Variants in SOX4 observed in about 807,000 individuals in gnomAD.
SOX4 encodes the protein transcription factor SOX-4.
For missense variants in SOX4, 662 were observed against 694.9 expected (o/e 0.95, Z 0.53); for synonymous variants, 465 against 348.4 (o/e 1.33, Z -3.73).
rs1202796991 is a variant in SOX4, at chr6:21,595,159, G to C, written c.625G>C (p.Gly209Arg). 1 of 1,337,836 alleles carries C rather than the reference G, an allele frequency of 7.5e-7. No homozygotes were observed. The highest frequency in any genetic ancestry group is 1.5e-5 in the African/African-American group (1 of 64,662). The allele number at this position is 1,337,836 out of a possible 1,614,324, so 82.9% of individuals were successfully genotyped here. ...CTCCAAAGTGGCGGGCGGCGCGGGC[G>C]GTGGGGTTAGCAAACCGCACGCCAA... The part of the protein sequence containing the change: ...CGSKVAGGAG[G>R]GVSKPHAKLI... Residue 209 changes from glycine to arginine, a missense_variant, in exon 1 of 1, where the codon GGT becomes CGT. Gly to Arg is a moderately radical substitution (Grantham distance 125). Transcript: ENST00000244745.
Position 21,595,492 on chromosome 6 carries a change from G to T in SOX4, c.958G>T (p.Asp320Tyr), listed in dbSNP as rs771884780. ...GGVGAGADPSDPLGLYEEEGA... is the reference protein window; with the variant it reads ...GGVGAGADPSYPLGLYEEEGA... ...CGTGGGCGCGGGAGCCGACCCCAGCGACCCCCTGGGCCTGTACGAGGAGGA... is the reference window on the plus strand; with the variant it reads ...CGTGGGCGCGGGAGCCGACCCCAGCTACCCCCTGGGCCTGTACGAGGAGGA... Residue 320 changes from aspartate (D) to tyrosine (Y), a missense_variant, in exon 1 of 1, where the codon GAC (aspartate) becomes TAC (tyrosine). Transcript: ENST00000244745. The T allele has an allele frequency of 2.8e-6, 4 of 1,416,558 alleles. No homozygotes were observed. The East Asian group carries it at 1.2e-4, about 41-fold the overall frequency. The allele number at this position is 1,416,558 out of a possible 1,614,324, so 87.7% of individuals were successfully genotyped here. A position where few individuals can be genotyped will look rare whatever the true frequency, so the allele number is the denominator to read the frequency against.
rs1192526094 is a variant in SOX4 at position 21,596,920 on chromosome 6, G to A, written c.*961G>A. 2 of 163,736 alleles carry A rather than the reference G, an allele frequency of 1.2e-5. No individual in the cohort carries two copies. Among genetic ancestry groups the A allele is most frequent in the Non-Finnish European group, 3.0e-5 (2 of 67,698 alleles). The allele number at this position is 163,736 out of a possible 1,614,324, so 10.1% of individuals were successfully genotyped here. ...AGGCGTGGAGGAGAGGAGACTGTTTGATGTGGTACAGGGGCAGTCAGTGGA... is the reference window on the plus strand; with the variant it reads ...AGGCGTGGAGGAGAGGAGACTGTTTAATGTGGTACAGGGGCAGTCAGTGGA... On this transcript the variant is annotated 3_prime_UTR_variant, in exon 1 of 1. Coordinates refer to ENST00000244745, the MANE Select transcript of SOX4 (RefSeq NM_003107.3).
At position 21,595,781 on chromosome 6, in the gene SOX4, G is replaced by C. The variant is rs761236649; in HGVS notation, c.1247G>C (p.Ser416Thr). 13 of 1,613,468 alleles carry C rather than the reference G, an allele frequency of 8.1e-6. No homozygotes were observed. The South Asian group carries it at 1.4e-4, about 18-fold the overall frequency. ...CTGAACCCCAGCTCAAACTTTGAGA[G>C]CATGTCCCTGGGCAGCTTCAGTTCG... is the stretch of plus-strand genomic sequence containing the variant. ...LDLNPSSNFE[S>T]MSLGSFSSSS... is the part of the protein sequence containing the mutation. Residue 416 changes from serine (S) to threonine (T), a missense_variant, in exon 1 of 1, where the codon AGC (serine) becomes ACC (threonine). Physicochemically the swap from Ser to Thr is moderately conservative, Grantham distance 58. Coordinates refer to ENST00000244745, the MANE Select transcript of SOX4 (RefSeq NM_003107.3).
Position 21,596,028 on chromosome 6 carries a change from C to A in SOX4, c.*69C>A. ...AGAAAAAAAAAGTGAAAAAAAGAAA[C>A]GAAAAGGACAGACGAAGAGTTTAAA... On this transcript the variant is annotated 3_prime_UTR_variant, in exon 1 of 1. Transcript: ENST00000244745. 5.6e-6 allele frequency: 8 copies of A among 1,431,568 alleles called. No homozygotes were observed. The highest frequency in any genetic ancestry group is 6.4e-6 in the Non-Finnish European group (7 of 1,091,676). The allele number at this position is 1,431,568 out of a possible 1,614,324, so 88.7% of individuals were successfully genotyped here.
Position 21,595,704 on chromosome 6 carries a change from C to G in SOX4, c.1170C>G (p.Ser390=), listed in dbSNP as rs752334754. 1.9e-6 allele frequency: 3 copies of G among 1,601,200 alleles called. No individual in the cohort carries two copies. Among genetic ancestry groups the G allele is most frequent in the African/African-American group, 1.3e-5 (1 of 74,624 alleles). The change falls in exon 1 of 1, where the codon TCC becomes TCG. Residue 390 remains serine (S), a synonymous_variant. Transcript: ENST00000244745. ...CCTCGTCCCACTCCTCCTCTTCCTC[C>G]TCCTCGGGCTCCTCGTCCTCCGACG... ...SSASSHSSSS[S]SSGSSSSDDE... is the part of the protein sequence containing the mutation.
In SOX4 at chr6:21,595,838, A is replaced by G; in HGVS notation, c.1304A>G (p.Asn435Ser). ...GCGCTCGACCGGGACCTGGATTTTA[A>G]CTTCGAGCCCGGCTCCGGCTCGCAC... ...SSALDRDLDF[N>S]FEPGSGSHFE... Residue 435 changes from asparagine (N) to serine (S), a missense_variant, in exon 1 of 1, where the codon AAC becomes AGC. By Grantham distance (46) the Asn-to-Ser change is conservative (BLOSUM62 1). Coordinates refer to ENST00000244745, the MANE Select transcript of SOX4 (RefSeq NM_003107.3). 1 of 1,612,596 alleles carries G rather than the reference A, an allele frequency of 6.2e-7. No individual in the cohort carries two copies. Among genetic ancestry groups the G allele is most frequent in the Non-Finnish European group, 8.5e-7 (1 of 1,179,686 alleles).
At position 21,595,929 on chromosome 6, in the gene SOX4, C is replaced by T; in HGVS notation, c.1395C>T (p.Ser465=). 6.3e-7 allele frequency: 1 copy of T among 1,576,324 alleles called. No individual in the cohort carries two copies. ...TGATCTCGGGAGACTGGCTCGAGTCCAGCATCTCCAACCTGGTTTTCACCT... is the reference window on the plus strand; with the variant it reads ...TGATCTCGGGAGACTGGCTCGAGTCTAGCATCTCCAACCTGGTTTTCACCT... ...SEMISGDWLE[S]SISNLVFTY is the part of the protein sequence containing the mutation. Residue 465 remains serine, a synonymous_variant, in exon 1 of 1, where the codon TCC becomes TCT. Transcript: ENST00000244745.
Position 21,594,388 on chromosome 6 carries a change from C to T in SOX4, c.-147C>T. The T allele has an allele frequency of 9.6e-7, 1 of 1,041,032 alleles. No individual in the cohort carries two copies. Among genetic ancestry groups the T allele is most frequent in the East Asian group, 3.3e-5 (1 of 30,058 alleles). 64.5% of individuals were successfully genotyped at this position (1,041,032 alleles called of 1,614,324 possible). A position where few individuals can be genotyped will look rare whatever the true frequency, so the allele number is the denominator to read the frequency against. The stretch of plus-strand genomic sequence containing the variant: ...TTTCTCTCTTTACCCACCTCCGCCC[C>T]TGCGAGGAGTTGAGGGGCCAGTTCG... On this transcript the variant is annotated 5_prime_UTR_variant, in exon 1 of 1. Transcript: ENST00000244745.
Position 21,594,375 on chromosome 6 carries a change from C to T in SOX4, c.-160C>T, listed in dbSNP as rs1299018448. 4.6e-6 allele frequency: 4 copies of T among 877,646 alleles called. No individual in the cohort carries two copies. Among genetic ancestry groups the T allele is most frequent in the African/African-American group, 1.8e-5 (1 of 56,550 alleles). 54.4% of individuals were successfully genotyped at this position (877,646 alleles called of 1,614,324 possible). ...TCTTTTGGGGACTTTTCTCTCTTTA[C>T]CCACCTCCGCCCCTGCGAGGAGTTG... On this transcript the variant is annotated 5_prime_UTR_variant, in exon 1 of 1. Coordinates refer to ENST00000244745, the MANE Select transcript of SOX4 (RefSeq NM_003107.3).
chr6:21,596,060 AG>A lies in SOX4; in HGVS notation c.*104del. On this transcript the variant is annotated 3_prime_UTR_variant, in exon 1 of 1. Transcript: ENST00000244745. ...GACAGACGAAGAGTTTAAAGAGAAA[AG>A]GGAAAAAAGAAAGAAAAAGTAAGCA... is the stretch of plus-strand genomic sequence containing the variant. 7.3e-7 allele frequency: 1 copy of A among 1,373,476 alleles called. No homozygotes were observed. The highest frequency in any genetic ancestry group is 2.5e-4 in the Middle Eastern group (1 of 3,956). The allele number at this position is 1,373,476 out of a possible 1,614,324, so 85.1% of individuals were successfully genotyped here.
In SOX4 at chr6:21,595,653, C is replaced by G. The variant is rs1027281237; in HGVS notation, c.1119C>G (p.Ser373Arg). 6 of 1,516,658 alleles carry G rather than the reference C, an allele frequency of 4.0e-6. No individual in the cohort carries two copies. The African/African-American group carries it at 8.5e-5, about 22-fold the overall frequency. 94.0% of individuals were successfully genotyped at this position (1,516,658 alleles called of 1,614,324 possible). A position where few individuals can be genotyped will look rare whatever the true frequency, so the allele number is the denominator to read the frequency against. ...GCGCCGCCTCGCCCGCCCCGTCCAG[C>G]GCGCCCTCGCACGCGTCCTCCTCGG... ...SLRAASPAPS[S>R]APSHASSSAS... Residue 373 changes from serine to arginine, a missense_variant, in exon 1 of 1, where the codon AGC (serine) becomes AGG (arginine). By Grantham distance (110) the Ser-to-Arg change is moderately radical. Coordinates refer to ENST00000244745, the MANE Select transcript of SOX4 (RefSeq NM_003107.3).
rs1470249126 is a variant in SOX4, at chr6:21,594,566, C to T, written c.32C>T (p.Thr11Met). MVQQTNNAEN[T>M]EALLAGESSD... is the part of the protein sequence containing the mutation. ...CAGCAAACCAACAATGCCGAGAACA[C>T]GGAAGCGCTGCTGGCCGGCGAGAGC... Residue 11 changes from threonine (T) to methionine (M), a missense_variant, in exon 1 of 1, where the codon ACG (threonine) becomes ATG (methionine). Coordinates refer to ENST00000244745, the MANE Select transcript of SOX4 (RefSeq NM_003107.3). 2 of 1,607,200 alleles carry T rather than the reference C, an allele frequency of 1.2e-6. No individual in the cohort carries two copies. Among genetic ancestry groups the T allele is most frequent in the East Asian group, 2.2e-5 (1 of 44,708 alleles).
Position 21,594,324 on chromosome 6 carries a change from G to T in SOX4, c.-211G>T. 1 of 478,478 alleles carries T rather than the reference G, an allele frequency of 2.1e-6. No homozygotes were observed. 29.6% of individuals were successfully genotyped at this position (478,478 alleles called of 1,614,324 possible). ...AGCCTGGGAACTATAACTCCTCTGC[G>T]AGAGGCGGAGAACTCCTTCCCCAAA... On this transcript the variant is annotated 5_prime_UTR_variant, in exon 1 of 1. Coordinates refer to ENST00000244745, the MANE Select transcript of SOX4 (RefSeq NM_003107.3).
At position 21,594,366 on chromosome 6, in the gene SOX4, C is replaced by A; in HGVS notation, c.-169C>A. ...TTCCCCAAATCTTTTGGGGACTTTTCTCTCTTTACCCACCTCCGCCCCTGC... is the reference window on the plus strand; with the variant it reads ...TTCCCCAAATCTTTTGGGGACTTTTATCTCTTTACCCACCTCCGCCCCTGC... On this transcript the variant is annotated 5_prime_UTR_variant, in exon 1 of 1. Coordinates refer to ENST00000244745, the MANE Select transcript of SOX4 (RefSeq NM_003107.3). 2 of 791,838 alleles carry A rather than the reference C, an allele frequency of 2.5e-6. No individual in the cohort carries two copies. Among genetic ancestry groups the A allele is most frequent in the East Asian group, 7.0e-5 (2 of 28,630 alleles). The allele number at this position is 791,838 out of a possible 1,614,324, so 49.1% of individuals were successfully genotyped here. A position where few individuals can be genotyped will look rare whatever the true frequency, so the allele number is the denominator to read the frequency against.
rs553092038 is a variant in SOX4 at position 21,595,546 on chromosome 6, A to G, written c.1012A>G (p.Ser338Gly). ...EGAGCSPDAP[S>G]LSGRSSAASS... ...CGCGGGCTGCTCGCCCGACGCGCCC[A>G]GCCTGAGCGGCCGCAGCAGCGCCGC... Residue 338 changes from serine (S) to glycine (G), a missense_variant, in exon 1 of 1, where the codon AGC becomes GGC. Physicochemically the swap from Ser to Gly is moderately conservative, Grantham distance 56. Transcript: ENST00000244745. The G allele has an allele frequency of 2.4e-3, 2,865 of 1,211,338 alleles. 5 individuals carry two copies. The highest frequency in any genetic ancestry group is 4.0e-3 in the Admixed American group (91 of 22,556). 75.0% of individuals were successfully genotyped at this position (1,211,338 alleles called of 1,614,324 possible).
Position 21,594,123 on chromosome 6 carries a change from AAG to A in SOX4, c.-410_-409del, listed in dbSNP as rs1391855718. 1.9e-5 allele frequency: 3 copies of A among 161,266 alleles called. No homozygotes were observed. Among genetic ancestry groups the A allele is most frequent in the African/African-American group, 7.3e-5 (3 of 41,034 alleles). The allele number at this position is 161,266 out of a possible 1,614,324, so 10.0% of individuals were successfully genotyped here. A position where few individuals can be genotyped will look rare whatever the true frequency, so the allele number is the denominator to read the frequency against. On this transcript the variant is annotated 5_prime_UTR_variant, in exon 1 of 1. Transcript: ENST00000244745. The stretch of plus-strand genomic sequence containing the variant: ...ACTGGAATCAACTGCTTCAGGGAAA[AAG>A]AAAAAAAAAAAAAAAAGACTTGCCT...
At position 21,595,453 on chromosome 6, in the gene SOX4, T is replaced by C. The variant is rs765502866; in HGVS notation, c.919T>C (p.Ser307Pro). 2 of 1,493,306 alleles carry C rather than the reference T, an allele frequency of 1.3e-6. No homozygotes were observed. Among genetic ancestry groups the C allele is most frequent in the Non-Finnish European group, 1.8e-6 (2 of 1,127,088 alleles). The allele number at this position is 1,493,306 out of a possible 1,614,324, so 92.5% of individuals were successfully genotyped here. The change falls in exon 1 of 1, where the codon TCG becomes CCG. Residue 307 changes from serine (S) to proline (P), a missense_variant. By Grantham distance (74) the Ser-to-Pro change is moderately conservative. Transcript: ENST00000244745. Reference protein sequence around the residue: ...YLFGGLGTSSSPVGGVGAGAD... With the variant: ...YLFGGLGTSSPPVGGVGAGAD... ...GTTCGGCGGCCTGGGCACGTCGTCG[T>C]CGCCCGTGGGCGGCGTGGGCGCGGG... is the stretch of plus-strand genomic sequence containing the variant.
Position 21,596,132 on chromosome 6 carries a change from C to T in SOX4, c.*173C>T, listed in dbSNP as rs554443753. On this transcript the variant is annotated 3_prime_UTR_variant, in exon 1 of 1. Coordinates refer to ENST00000244745, the MANE Select transcript of SOX4 (RefSeq NM_003107.3). ...CTCGTCGTCGGATCAAGGAGCGCGGCGGCGTTTTGGACCCGCGCTCCCATC... is the reference window on the plus strand; with the variant it reads ...CTCGTCGTCGGATCAAGGAGCGCGGTGGCGTTTTGGACCCGCGCTCCCATC... 3.4e-6 allele frequency: 4 copies of T among 1,160,246 alleles called. No homozygotes were observed. The highest frequency in any genetic ancestry group is 4.6e-6 in the Non-Finnish European group (4 of 878,564). The allele number at this position is 1,160,246 out of a possible 1,614,324, so 71.9% of individuals were successfully genotyped here. A position where few individuals can be genotyped will look rare whatever the true frequency, so the allele number is the denominator to read the frequency against.
At position 21,595,039 on chromosome 6, in the gene SOX4, G is replaced by T. The variant is rs759016053; in HGVS notation, c.505G>T (p.Gly169Cys). 3.5e-6 allele frequency: 5 copies of T among 1,442,926 alleles called. No individual in the cohort carries two copies. Among genetic ancestry groups the T allele is most frequent in the East Asian group, 2.7e-5 (1 of 37,446 alleles). The allele number at this position is 1,442,926 out of a possible 1,614,324, so 89.4% of individuals were successfully genotyped here. The change falls in exon 1 of 1, where the codon GGC becomes TGC. Residue 169 changes from glycine to cysteine, a missense_variant. Transcript: ENST00000244745. ...CAGTGGCGGGGGCGGCCATGGGGGCGGCGGCGGCGGCGGGAGCAGCAACGC... is the reference window on the plus strand; with the variant it reads ...CAGTGGCGGGGGCGGCCATGGGGGCTGCGGCGGCGGCGGGAGCAGCAACGC... ...GGSGGGGHGG[G>C]GGGGSSNAGG...
Sources: allele counts gnomAD v4.1 joint callset, GRCh38; gene constraint gnomAD v4.1.1; transcripts MANE v1.5; gene names NCBI Gene and HGNC (gene_info 2026-07-23, HGNC 2026-07-21).